IGF2BP3: variants seen among roughly 807,000 people sequenced by gnomAD.
The protein encoded by IGF2BP3 is insulin like growth factor 2 mRNA binding protein 3.
Under a neutral mutation model 73.8 loss-of-function variants are expected in IGF2BP3, and 9 were observed. That is an observed-to-expected ratio of 0.12 (90% confidence interval 0.07 to 0.21). IGF2BP3 has a LOEUF of 0.21. Ranked by LOEUF, IGF2BP3 falls within the 10% of genes least tolerant of loss-of-function variation. IGF2BP3 has a pLI of 1.00. For synonymous variants in IGF2BP3, 258 were observed against 256.7 expected (o/e 1.01, Z -0.05); for missense variants, 542 against 714.0 (o/e 0.76, Z 2.75).
In IGF2BP3 at chr7:23,327,142, A is replaced by G. The variant is rs894873306; in HGVS notation, c.1204-7888T>C. 3.9e-5 allele frequency among the ~76,000 whole-genome samples: 6 copies of G among 152,138 alleles called. No individual in the cohort carries two copies. The East Asian group carries it at 9.6e-4, about 24-fold the overall frequency. Reference sequence around the variant, plus strand: ...ACAACTTAGACATGAACTACTTGATAAACACTTTCATGGGATTCTCTTGAA... The same window carrying G: ...ACAACTTAGACATGAACTACTTGATGAACACTTTCATGGGATTCTCTTGAA... On this transcript the variant is annotated intron_variant, in intron 10 of 14. Transcript: ENST00000258729.
chr7:23,387,264 A>C (rs958512120), intron 3 of IGF2BP3, among the ~76,000 whole-genome samples: 4 of 152,170 alleles, frequency 2.6e-5, no homozygotes, highest in Non-Finnish European at 4.4e-5. Context: ...ACAAGTTCCA[A>C]CTGAGGGTCA....
chr7:23,393,394 G>C (rs1786347385), intron 3 of IGF2BP3, among the ~76,000 whole-genome samples: 1 of 152,210 alleles, frequency 6.6e-6, no homozygotes, highest in Non-Finnish European at 1.5e-5. Flanking sequence ...ACGGGCATGT[G>C]ATCTTCTATT....
In IGF2BP3 at chr7:23,469,788, G is replaced by A. The variant is rs1788670033; in HGVS notation, c.175+148C>T. The A allele has an allele frequency of 2.7e-6, 1 of 374,164 alleles. No individual in the cohort carries two copies. The highest frequency in any genetic ancestry group is 2.1e-5 in the African/African-American group (1 of 47,070). 23.2% of individuals were successfully genotyped at this position (374,164 alleles called of 1,614,324 possible). A position where few individuals can be genotyped will look rare whatever the true frequency, so the allele number is the denominator to read the frequency against. ...GGGAGCCGGAGCTGAGGAGAGCCCC[G>A]GCCCCCACGCGCGTGGGTGTGGGCG... On this transcript the variant is annotated intron_variant, in intron 1 of 14. Transcript: ENST00000258729. This position sits in a 1 kb window ranked among gnomAD's most constrained non-coding sequence, Gnocchi z 6.1.
intron 3 of IGF2BP3, among the ~76,000 whole-genome samples, chr7:23,397,909 C>T (rs998670749): frequency 5.9e-5 from 9 of 152,098 alleles, no homozygotes; most frequent in Non-Finnish European, 1.0e-4. Flanking sequence ...TGGGATTACC[C>T]GGGTGAGCCT....
chr7:23,372,104 C>T (rs1249490036), intron 3 of IGF2BP3, among the ~76,000 whole-genome samples: 6 of 150,846 alleles, frequency 4.0e-5, no homozygotes, highest in Non-Finnish European at 7.4e-5. Flanking sequence ...GATGGAGTCT[C>T]ACTCTGTCAC....
intron 11 of IGF2BP3, 114 bp from the exon 12 acceptor site, chr7:23,317,827 C>G: frequency 1.2e-6 from 1 of 839,624 alleles, no homozygotes. Flanking sequence ...TTAAAGCCTT[C>G]GTGAAGGAAA....
intron 2 of IGF2BP3, among the ~76,000 whole-genome samples, chr7:23,445,323 G>C (rs369389361): frequency 6.6e-6 from 1 of 152,124 alleles, no homozygotes; most frequent in Admixed American, 6.5e-5. Context: ...TGGGTGTTTT[G>C]TATACAGTGT....
intron 3 of IGF2BP3, among the ~76,000 whole-genome samples, chr7:23,396,015 C>A (rs1236828469): frequency 6.7e-6 from 1 of 149,638 alleles, no homozygotes; most frequent in Non-Finnish European, 1.5e-5. Context: ...CCCCCTACCC[C>A]ACCCCTACAC....
chr7:23,363,525 G>C (rs541031727), intron 3 of IGF2BP3, among the ~76,000 whole-genome samples: 1 of 152,186 alleles, frequency 6.6e-6, no homozygotes, highest in African/African-American at 2.4e-5. Flanking sequence ...GAGATTACAG[G>C]CGTGACCCAG....
chr7:23,374,104 C>A (rs1018495487), intron 3 of IGF2BP3, among the ~76,000 whole-genome samples: 18 of 152,156 alleles, frequency 1.2e-4, no homozygotes, highest in African/African-American at 4.3e-4. Flanking sequence ...TACAGCAACA[C>A]AAATGCACTA....
Position 23,366,663 on chromosome 7 carries a change from C to T in IGF2BP3, c.286-4922G>A, listed in dbSNP as rs139570808. ...CTGTGGAAAAAATTTAACAACACAACTTAGGAGATTTTACATAGCCCCATA... is the reference window on the plus strand; with the variant it reads ...CTGTGGAAAAAATTTAACAACACAATTTAGGAGATTTTACATAGCCCCATA... On this transcript the variant is annotated intron_variant, in intron 3 of 14. Transcript: ENST00000258729. Among the ~76,000 whole-genome samples, 10 of 151,782 alleles carry T rather than the reference C, an allele frequency of 6.6e-5. No individual in the cohort carries two copies. In the East Asian group the frequency reaches 1.5e-3, roughly 24 times the overall value.
chr7:23,329,437 C>T (rs1393502637), intron 10 of IGF2BP3, among the ~76,000 whole-genome samples: 1 of 152,104 alleles, frequency 6.6e-6, no homozygotes, highest in Non-Finnish European at 1.5e-5. Context: ...AAAATTTGTG[C>T]CCTGTTTGAA....
intron 2 of IGF2BP3, among the ~76,000 whole-genome samples, chr7:23,428,338 G>A (rs1019147410): frequency 6.6e-6 from 1 of 151,934 alleles, no homozygotes; most frequent in Non-Finnish European, 1.5e-5. Context: ...CGAGCATGGT[G>A]GCATGCGCCT....
intron 5 of IGF2BP3, among the ~76,000 whole-genome samples, chr7:23,358,906 TA>T (rs1785159011): frequency 6.6e-6 from 1 of 152,212 alleles, no homozygotes; most frequent in South Asian, 2.1e-4. Flanking sequence ...AGGGAGGAAC[TA>T]AAATTAGGTA....
chr7:23,465,700 C>T (rs903902777), intron 2 of IGF2BP3, among the ~76,000 whole-genome samples: 11 of 152,220 alleles, frequency 7.2e-5, no homozygotes, highest in African/African-American at 2.7e-4. Flanking sequence ...CACTGCTGCA[C>T]ATGTGGGTGT....
intron 2 of IGF2BP3, among the ~76,000 whole-genome samples, chr7:23,426,643 T>C (rs1471439244): frequency 6.6e-6 from 1 of 152,240 alleles, no homozygotes; most frequent in African/African-American, 2.4e-5. Context: ...ACTCCTGTAA[T>C]AGTGTTTAAT....
intron 3 of IGF2BP3, among the ~76,000 whole-genome samples, chr7:23,392,368 AGTAG>A (rs1786303795): frequency 1.3e-5 from 2 of 150,238 alleles, no homozygotes; most frequent in South Asian, 4.2e-4. Context: ...TGATTCAGTA[AGTAG>A]TGCTGTCACA....
chr7:23,400,130 A>G (rs1285285881), intron 3 of IGF2BP3, among the ~76,000 whole-genome samples: 2 of 152,232 alleles, frequency 1.3e-5, no homozygotes. Context: ...TGTGTTTCCA[A>G]TATCTTGTTT....
rs546630324 is a variant in IGF2BP3, at chr7:23,389,543, G to GTT, written c.286-27804_286-27803dup. 4.3e-4 allele frequency among the ~76,000 whole-genome samples: 63 copies of GTT among 145,544 alleles called. 1 individual carries two copies. The highest frequency in any genetic ancestry group is 1.0e-3 in the African/African-American group (40 of 39,878). On this transcript the variant is annotated intron_variant, in intron 3 of 14. Transcript: ENST00000258729. ...AATTACATGCAATATATTCAGTACTGTTTTTTTTTTTAAATTACAAGACTA... is the reference window on the plus strand; with the variant it reads ...AATTACATGCAATATATTCAGTACTGTTTTTTTTTTTTTAAATTACAAGACTA...
Sources: allele counts gnomAD v4.1 joint callset (sites outside exome capture counted in the v4.1 genomes callset), GRCh38; gene constraint gnomAD v4.1.1; non-coding constraint Gnocchi (gnomAD v3.1); transcripts MANE v1.5; gene names NCBI Gene and HGNC (gene_info 2026-07-23, HGNC 2026-07-21).